Variants in PKHD1 observed in about 807,000 individuals in gnomAD.
PKHD1 encodes the protein fibrocystin.
In PKHD1, 291 loss-of-function variants were observed where a neutral mutation model predicts 412.0. The ratio of observed to expected loss-of-function variants is 0.71; its 90% CI spans 0.64 to 0.78. The LOEUF is 0.78. Among genes scored for constraint, PKHD1 ranks in the 30% least tolerant of loss-of-function variants. The pLI, the probability that PKHD1 is intolerant of heterozygous loss-of-function variation, is 0.00. For missense variants in PKHD1, 4,825 were observed against 4,950.7 expected, an observed-to-expected ratio of 0.97 and a Z score of 0.76; for synonymous variants, 1,777 against 1,821.5, an observed-to-expected ratio of 0.98 and a Z score of 0.62.
intron 35 of PKHD1, among the ~76,000 whole-genome samples, chr6:51,996,169 CTTTT>C (rs11392839): frequency 1.0e-5 from 1 of 98,958 alleles, no homozygotes; most frequent in African/African-American, 3.7e-5. Flanking sequence ...CGACGCCTGG[CTTTT>C]TTTTTTTTTT....
chr6:51,919,123 T>G (rs1038632290), intron 37 of PKHD1, among the ~76,000 whole-genome samples: 2 of 152,232 alleles, frequency 1.3e-5, no homozygotes, highest in African/African-American at 4.8e-5. Context: ...ACAGAAGCTC[T>G]TTAGTTTAAT....
intron 37 of PKHD1, among the ~76,000 whole-genome samples, chr6:51,928,603 C>T (rs1361943788): frequency 6.6e-6 from 1 of 150,538 alleles, no homozygotes; most frequent in East Asian, 2.0e-4. Flanking sequence ...CATGTATAGT[C>T]CTTAGTCTGC....
intron 11 of PKHD1, 39 bp downstream of exon 11, chr6:52,069,417 AG>A: frequency 7.1e-7 from 1 of 1,408,960 alleles, no homozygotes; most frequent in Non-Finnish European, 1.0e-6. Flanking sequence ...ACATTGAGTG[AG>A]GCACAAGGGA....
At position 51,748,353 on chromosome 6, in the gene PKHD1, T is replaced by C. The variant is rs201539824; in HGVS notation, c.9263A>G (p.Asp3088Gly). ...CACAACGTTGCCATGGAGGTTGATG[T>C]CCTTTACCTGGTTCACTTTGATTCC... is the stretch of plus-strand genomic sequence containing the variant. ...VAGIKVNQVK[D>G]INLHGNVVAG... The change falls in exon 58 of 67, where the codon GAC becomes GGC. Residue 3088 changes from aspartate (D) to glycine (G), a missense_variant. Transcript: ENST00000371117. 1 of 1,614,078 alleles carries C rather than the reference T, an allele frequency of 6.2e-7. No individual in the cohort carries two copies. Among genetic ancestry groups the C allele is most frequent in the Non-Finnish European group, 8.5e-7 (1 of 1,179,938 alleles).
At chr6:51,868,625 T>C (rs1775466994) in intron 47 of PKHD1, among the ~76,000 whole-genome samples, 1 of 152,180 alleles carries the variant, frequency 6.6e-6, no homozygotes, top group South Asian at 2.1e-4. Context: ...ATTAATTTAT[T>C]AATTACTAAG....
At chr6:51,806,523 T>A (rs1326584) in intron 52 of PKHD1, among the ~76,000 whole-genome samples, 90,800 of 151,936 alleles carry the variant, frequency 0.6, 27,536 homozygotes, top group East Asian at 0.78. Flanking sequence ...CTGTACATCA[T>A]CCCAGTGCAG....
chr6:51,958,984 A>G (rs897057870), intron 36 of PKHD1, among the ~76,000 whole-genome samples: 7 of 152,150 alleles, frequency 4.6e-5, no homozygotes, highest in South Asian at 2.1e-4. Context: ...GAATGACAAA[A>G]TGCCTAAATC....
intron 37 of PKHD1, among the ~76,000 whole-genome samples, chr6:51,929,116 C>G (rs1375890741): frequency 1.3e-5 from 2 of 152,098 alleles, no homozygotes; most frequent in African/African-American, 4.8e-5. Context: ...GACTATTAAT[C>G]AGGTGACGAG....
At chr6:51,713,816 T>C (rs1780923877) in intron 60 of PKHD1, among the ~76,000 whole-genome samples, 2 of 152,278 alleles carry the variant, frequency 1.3e-5, no homozygotes, top group East Asian at 1.9e-4. Flanking sequence ...TGAGCCATGA[T>C]ACACTCCCCT....
At chr6:51,649,378 G>A (rs191210394) in intron 61 of PKHD1, among the ~76,000 whole-genome samples, 158 bp from the exon 62 acceptor site, 1 of 152,194 alleles carries the variant, frequency 6.6e-6, no homozygotes. Flanking sequence ...TTATAGCAAA[G>A]GTTAATTGTG....
At chr6:52,044,326 T>C (rs560090101) in intron 25 of PKHD1, among the ~76,000 whole-genome samples, 119 of 152,324 alleles carry the variant, frequency 7.8e-4, no homozygotes, top group Middle Eastern at 6.8e-3. Context: ...TGATTCTCTA[T>C]GTATAAAAAA....
At chr6:51,868,256 G>T in intron 47 of PKHD1, 147 bp from the exon 48 acceptor site, 1 of 736,882 alleles carries the variant, frequency 1.4e-6, no homozygotes, top group Non-Finnish European at 2.3e-6. Context: ...TTTTCTGTGG[G>T]TGTTTTACAG....
intron 37 of PKHD1, among the ~76,000 whole-genome samples, chr6:51,923,937 T>G (rs1336197445): frequency 6.6e-6 from 1 of 152,162 alleles, no homozygotes; most frequent in Non-Finnish European, 1.5e-5. Context: ...TTTAGTTACA[T>G]CCCCTTGCAG....
At chr6:51,810,581 T>C (rs1357622830) in intron 52 of PKHD1, among the ~76,000 whole-genome samples, 2 of 152,156 alleles carry the variant, frequency 1.3e-5, no homozygotes, top group Non-Finnish European at 2.9e-5. Flanking sequence ...ACTGATACCA[T>C]CCTTCACTCT....
At chr6:51,975,670 GT>G (rs1794307687) in intron 35 of PKHD1, 1 of 149,986 alleles carries the variant, frequency 6.7e-6, no homozygotes, top group Non-Finnish European at 1.5e-5. Flanking sequence ...GAAGTGCAGT[GT>G]TGCCTATAGT....
intron 5 of PKHD1, among the ~76,000 whole-genome samples, chr6:52,076,637 A>G (rs1811367138): frequency 6.6e-6 from 1 of 152,124 alleles, no homozygotes; most frequent in Admixed American, 6.6e-5. Flanking sequence ...CACCTTCCAT[A>G]CCCAAGAACA....
At chr6:51,950,220 A>AAAAAAAAAAAAATATATATATAT in intron 36 of PKHD1, among the ~76,000 whole-genome samples, 5 of 98,296 alleles carry the variant, frequency 5.1e-5, no homozygotes, top group African/African-American at 1.9e-4. Context: ...GAAAAAAAAA[A>AAAAAAAAAAAAATATATATATAT]ATATATATAT....
At chr6:51,710,587 G>T (rs1199910180) in intron 60 of PKHD1, among the ~76,000 whole-genome samples, 1 of 151,846 alleles carries the variant, frequency 6.6e-6, no homozygotes, top group Non-Finnish European at 1.5e-5. Flanking sequence ...TCTCTAAATA[G>T]TGTTTTGCCA....
intron 52 of PKHD1, among the ~76,000 whole-genome samples, chr6:51,827,183 A>G (rs1483845103): frequency 6.6e-6 from 1 of 152,114 alleles, no homozygotes; most frequent in East Asian, 1.9e-4. Context: ...GCTCCCAAGG[A>G]TGTTGTGAAA....
Sources: gnomAD v4.1 joint callset for allele counts (sites outside exome capture counted in the v4.1 genomes callset) on GRCh38, gnomAD v4.1.1 for gene constraint, MANE v1.5 for transcripts, NCBI Gene and HGNC (gene_info 2026-07-23, HGNC 2026-07-21) for gene names.